ZNF804A: variants seen among roughly 807,000 people sequenced by gnomAD.
ZNF804A encodes the protein zinc finger protein 804A.
Under a neutral mutation model 16.5 loss-of-function variants are expected in ZNF804A, and 2 were observed. The observed-to-expected ratio is 0.12, with a 90% CI of 0.05 to 0.38. The LOEUF (loss-of-function observed/expected upper bound fraction) is 0.38. Among genes scored for constraint, ZNF804A ranks in the 10% least tolerant of loss-of-function variants. The pLI, the probability that ZNF804A is intolerant of heterozygous loss-of-function variation, is 0.99. For missense variants in ZNF804A, 1,473 were observed against 1,390.7 expected, an observed-to-expected ratio of 1.06 and a Z score of -0.94; for synonymous variants, 534 against 489.6, an observed-to-expected ratio of 1.09 and a Z score of -1.20.
intron 1 of ZNF804A, among the ~76,000 whole-genome samples, chr2:184,689,674 T>C (rs1315918624): frequency 6.6e-6 from 1 of 152,108 alleles, no homozygotes; most frequent in Non-Finnish European, 1.5e-5. Context: ...ATATGCTTAA[T>C]GAGTTTTTTA....
intron 1 of ZNF804A, among the ~76,000 whole-genome samples, chr2:184,697,173 T>C (rs2105729103): frequency 6.6e-6 from 1 of 152,168 alleles, no homozygotes; most frequent in East Asian, 1.9e-4. Context: ...GCTATTATTA[T>C]TGCAAGATAA....
At chr2:184,803,127 C>A (rs1025253949) in intron 1 of ZNF804A, among the ~76,000 whole-genome samples, 2 of 152,136 alleles carry the variant, frequency 1.3e-5, no homozygotes, top group Admixed American at 1.3e-4. Context: ...ATTACTATCA[C>A]CCTATTAGAG....
At chr2:184,710,785 A>G (rs888954414) in intron 1 of ZNF804A, among the ~76,000 whole-genome samples, 2 of 151,734 alleles carry the variant, frequency 1.3e-5, no homozygotes, top group South Asian at 4.1e-4. Context: ...TGATAAGCCA[A>G]TTTCACTTAA....
At chr2:184,907,278 G>A (rs1280359659) in intron 2 of ZNF804A, among the ~76,000 whole-genome samples, 1 of 152,108 alleles carries the variant, frequency 6.6e-6, no homozygotes. Context: ...TATTTGTTAT[G>A]TTAAACTCTA....
At chr2:184,680,847 A>C (rs1211830853) in intron 1 of ZNF804A, among the ~76,000 whole-genome samples, 1 of 152,164 alleles carries the variant, frequency 6.6e-6, no homozygotes, top group Non-Finnish European at 1.5e-5. Flanking sequence ...TAGACCTAGG[A>C]GCTCCCCCAA....
chr2:184,731,031 T>C (rs1693505532), intron 1 of ZNF804A, among the ~76,000 whole-genome samples: 1 of 151,074 alleles, frequency 6.6e-6, no homozygotes, highest in African/African-American at 2.4e-5. Context: ...TCACCTGAGG[T>C]CAGGAGTTCG....
chr2:184,933,442 C>A (rs958517589), intron 2 of ZNF804A, among the ~76,000 whole-genome samples, 161 bp from the exon 3 acceptor site: 3 of 151,994 alleles, frequency 2.0e-5, no homozygotes, highest in Non-Finnish European at 2.9e-5. Context: ...AGCCAAAATG[C>A]GAGAAAATAT....
intron 1 of ZNF804A, among the ~76,000 whole-genome samples, chr2:184,629,158 TTC>T (rs1405006902): frequency 5.9e-5 from 9 of 152,196 alleles, no homozygotes; most frequent in Admixed American, 2.0e-4. Flanking sequence ...TCTTTATATA[TTC>T]ATAGTATATT....
At chr2:184,811,687 G>C (rs1694905350) in intron 1 of ZNF804A, among the ~76,000 whole-genome samples, 1 of 152,028 alleles carries the variant, frequency 6.6e-6, no homozygotes, top group Non-Finnish European at 1.5e-5. Context: ...AATAGCAACT[G>C]AACTCCATCC....
Position 184,626,083 on chromosome 2 carries a change from T to C in ZNF804A, c.111+27013T>C, listed in dbSNP as rs1039550009. On this transcript the variant is annotated intron_variant, in intron 1 of 3. Coordinates refer to ENST00000302277, the MANE Select transcript of ZNF804A (RefSeq NM_194250.2). ...CGGGGTTTCACCGTGTTAGTCAGGA[T>C]GGTCTTGATCTCCTGATCTCGTGAT... 6.6e-5 allele frequency among the ~76,000 whole-genome samples: 10 copies of C among 152,144 alleles called. 1 individual carries two copies. The South Asian group carries it at 2.1e-3, about 32-fold the overall frequency.
At chr2:184,819,200 A>C (rs1448945411) in intron 1 of ZNF804A, among the ~76,000 whole-genome samples, 1 of 151,674 alleles carries the variant, frequency 6.6e-6, no homozygotes, top group Non-Finnish European at 1.5e-5. Flanking sequence ...TGCAAAAGAA[A>C]GGAAATTAAA....
intron 1 of ZNF804A, among the ~76,000 whole-genome samples, chr2:184,614,951 G>A (rs1691296570): frequency 6.6e-6 from 1 of 152,180 alleles, no homozygotes; most frequent in Admixed American, 6.5e-5. Flanking sequence ...GTGTAAATTA[G>A]TTCAACTATT....
At chr2:184,725,850 T>C (rs1053443967) in intron 1 of ZNF804A, among the ~76,000 whole-genome samples, 2 of 151,710 alleles carry the variant, frequency 1.3e-5, no homozygotes, top group African/African-American at 4.8e-5. Context: ...GTGTTTTAGA[T>C]CTCTGTAATT....
At chr2:184,906,302 GTTGT>G (rs376064025) in intron 2 of ZNF804A, among the ~76,000 whole-genome samples, 12 of 151,554 alleles carry the variant, frequency 7.9e-5, no homozygotes, top group South Asian at 4.2e-4. Flanking sequence ...TTTTTTCTTT[GTTGT>G]TTGTTTGTTT....
chr2:184,628,713 G>A (rs1422639448), intron 1 of ZNF804A, among the ~76,000 whole-genome samples: 2 of 151,878 alleles, frequency 1.3e-5, no homozygotes, highest in Non-Finnish European at 2.9e-5. Context: ...CAGAATCGTG[G>A]TATTTCTATT....
At chr2:184,854,835 T>C (rs551948190) in intron 1 of ZNF804A, among the ~76,000 whole-genome samples, 5 of 152,130 alleles carry the variant, frequency 3.3e-5, no homozygotes, top group Non-Finnish European at 5.9e-5. Flanking sequence ...TGCTACTTAA[T>C]GGTATGCTGA....
intron 1 of ZNF804A, among the ~76,000 whole-genome samples, chr2:184,777,769 G>A (rs1201190012): frequency 6.6e-6 from 1 of 151,636 alleles, no homozygotes. Flanking sequence ...TGTTTAGTGG[G>A]TTGTTTGTCC....
At chr2:184,751,820 C>A (rs1488940170) in intron 1 of ZNF804A, among the ~76,000 whole-genome samples, 1 of 151,410 alleles carries the variant, frequency 6.6e-6, no homozygotes, top group Non-Finnish European at 1.5e-5. Context: ...GGGCAAAGGA[C>A]ATAAAGTGAC....
At chr2:184,872,150 T>G (rs944135221) in intron 2 of ZNF804A, among the ~76,000 whole-genome samples, 5 of 152,150 alleles carry the variant, frequency 3.3e-5, no homozygotes, top group African/African-American at 9.6e-5. Flanking sequence ...TAAAATTTAG[T>G]AAATATATAT....
Sources: allele counts gnomAD v4.1 joint callset (sites outside exome capture counted in the v4.1 genomes callset), GRCh38; gene constraint gnomAD v4.1.1; transcripts MANE v1.5; gene names NCBI Gene and HGNC (gene_info 2026-07-23, HGNC 2026-07-21).